Variants in RIMS1 observed in about 807,000 individuals in gnomAD.
RIMS1 encodes regulating synaptic membrane exocytosis 1.
Under a neutral mutation model 214.1 loss-of-function variants are expected in RIMS1, and 83 were observed. The ratio of observed to expected loss-of-function variants is 0.39; its 90% CI spans 0.32 to 0.47. RIMS1 has a LOEUF of 0.47. Among genes scored for constraint, RIMS1 ranks in the 20% least tolerant of loss-of-function variants. The pLI is 0.99. For missense variants in RIMS1, 2,050 were observed against 2,161.8 expected, an observed-to-expected ratio of 0.95 and a Z score of 1.03; for synonymous variants, 793 against 786.8, an observed-to-expected ratio of 1.01 and a Z score of -0.13.
chr6:72,257,473 C>T (rs888549423), intron 16 of RIMS1, among the ~76,000 whole-genome samples: 14 of 151,930 alleles, frequency 9.2e-5, no homozygotes, highest in African/African-American at 2.7e-4. Context: ...GCAGATTTGG[C>T]GATTGGTTCT....
At chr6:72,373,081 G>A (rs2098269012) in intron 29 of RIMS1, among the ~76,000 whole-genome samples, 1 of 152,160 alleles carries the variant, frequency 6.6e-6, no homozygotes, top group South Asian at 2.1e-4. Flanking sequence ...AGTAACCACA[G>A]GCTAAGGGTT....
chr6:72,002,798 T>C (rs543946605), intron 2 of RIMS1, among the ~76,000 whole-genome samples: 141 of 152,034 alleles, frequency 9.3e-4, no homozygotes, highest in Middle Eastern at 3.4e-3. Context: ...AGGAAAAAAA[T>C]AGAACTCACC....
intron 1 of RIMS1, among the ~76,000 whole-genome samples, chr6:71,926,418 T>G (rs1199051870): frequency 1.3e-5 from 2 of 152,190 alleles, no homozygotes; most frequent in African/African-American, 2.4e-5. Flanking sequence ...CCATCTCAGG[T>G]CACATTAATA....
intron 2 of RIMS1, among the ~76,000 whole-genome samples, chr6:72,017,384 A>G (rs1813114104): frequency 2.6e-5 from 4 of 152,190 alleles, no homozygotes; most frequent in Admixed American, 6.6e-5. Context: ...TTGCTTCTTG[A>G]GATGGTATAC....
intron 29 of RIMS1, among the ~76,000 whole-genome samples, chr6:72,340,715 A>G (rs12212741): frequency 0.46 from 69,367 of 151,416 alleles, 16,307 homozygotes; most frequent in Middle Eastern, 0.51. Flanking sequence ...GTCAGGTAGC[A>G]TGATGCCTCC....
In RIMS1 at chr6:72,162,379, C is replaced by T. The variant is rs1360462961; in HGVS notation, c.472-17196C>T. On this transcript the variant is annotated intron_variant, in intron 4 of 33. Transcript: ENST00000521978. ...GTGTCTTTTAATTGGAGCATTTAGC[C>T]CATTGACATTTAAGGTTAATATTGT... Among the ~76,000 whole-genome samples the T allele has an allele frequency of 3.6e-5, 5 of 140,732 alleles. No individual in the cohort carries two copies. The South Asian group carries it at 9.4e-4, about 27-fold the overall frequency. The allele number at this position is 140,732 out of a possible 152,430, so 92.3% of individuals were successfully genotyped here. A position where few individuals can be genotyped will look rare whatever the true frequency, so the allele number is the denominator to read the frequency against.
intron 2 of RIMS1, among the ~76,000 whole-genome samples, chr6:71,970,301 G>T (rs1795539875): frequency 6.6e-6 from 1 of 152,078 alleles, no homozygotes; most frequent in Admixed American, 6.5e-5. Flanking sequence ...TGTATGTAAA[G>T]CCATTTTTGT....
At chr6:72,263,425 G>A (rs2078950282) in intron 19 of RIMS1, 1 of 976,670 alleles carries the variant, frequency 1.0e-6, no homozygotes, top group African/African-American at 1.8e-5. Context: ...GTAGAAACAG[G>A]CTTGGAGACT....
chr6:71,960,892 T>G (rs1451050774), intron 1 of RIMS1, among the ~76,000 whole-genome samples: 1 of 151,484 alleles, frequency 6.6e-6, no homozygotes, highest in Non-Finnish European at 1.5e-5. Context: ...CAAGAAGAAG[T>G]GAAAAAAAAA....
intron 2 of RIMS1, among the ~76,000 whole-genome samples, chr6:71,984,309 G>C (rs930678045): frequency 6.6e-6 from 1 of 151,940 alleles, no homozygotes. Flanking sequence ...GACATGCCTA[G>C]AGGGACTCAA....
intron 4 of RIMS1, among the ~76,000 whole-genome samples, chr6:72,109,250 G>C (rs577562415): frequency 3.4e-4 from 51 of 152,132 alleles, no homozygotes; most frequent in African/African-American, 1.2e-3. Flanking sequence ...GGTATTTCTA[G>C]TTCTAGATCC....
intron 28 of RIMS1, among the ~76,000 whole-genome samples, chr6:72,323,566 TGGA>T (rs1463576982): frequency 6.6e-6 from 1 of 151,670 alleles, no homozygotes; most frequent in African/African-American, 2.4e-5. Context: ...AGACAGAAAT[TGGA>T]GGAGAATATA....
chr6:72,006,370 G>T (rs1345323437), intron 2 of RIMS1, among the ~76,000 whole-genome samples: 1 of 152,180 alleles, frequency 6.6e-6, no homozygotes, highest in Non-Finnish European at 1.5e-5. Flanking sequence ...TGGCCAAATA[G>T]GAACAGCTCC....
intron 2 of RIMS1, among the ~76,000 whole-genome samples, chr6:72,049,944 T>G (rs969093435): frequency 2.0e-5 from 3 of 152,186 alleles, no homozygotes; most frequent in Non-Finnish European, 4.4e-5. Flanking sequence ...GAAGAAGCCA[T>G]GATGAAGGCA....
At chr6:72,220,374 A>G (rs2057984693) in intron 6 of RIMS1, among the ~76,000 whole-genome samples, 1 of 152,106 alleles carries the variant, frequency 6.6e-6, no homozygotes, top group Non-Finnish European at 1.5e-5. Context: ...TTTACTTGCA[A>G]TTTAAAAGAG....
intron 4 of RIMS1, among the ~76,000 whole-genome samples, chr6:72,104,925 T>G (rs2034425618): frequency 6.6e-6 from 1 of 152,070 alleles, no homozygotes; most frequent in Non-Finnish European, 1.5e-5. Context: ...ATCCATTCAC[T>G]TATTTATTTA....
chr6:71,955,627 A>G (rs1248267788), intron 1 of RIMS1, among the ~76,000 whole-genome samples: 1 of 152,170 alleles, frequency 6.6e-6, no homozygotes, highest in Admixed American at 6.6e-5. Flanking sequence ...GTGTACATAT[A>G]TGTAATGTAT....
At chr6:72,137,867 A>G (rs566887158) in intron 4 of RIMS1, among the ~76,000 whole-genome samples, 58 of 151,618 alleles carry the variant, frequency 3.8e-4, no homozygotes, top group Admixed American at 1.2e-3. Flanking sequence ...CTCCCGAGTA[A>G]CTGGGACTAC....
At chr6:72,180,391 A>G (rs2048250888) in intron 5 of RIMS1, among the ~76,000 whole-genome samples, 1 of 152,228 alleles carries the variant, frequency 6.6e-6, no homozygotes, top group South Asian at 2.1e-4. Flanking sequence ...TGCTCCAGGT[A>G]TCTGCACAGG....
Sources: gnomAD v4.1 joint callset for allele counts (sites outside exome capture counted in the v4.1 genomes callset) on GRCh38, gnomAD v4.1.1 for gene constraint, MANE v1.5 for transcripts, NCBI Gene and HGNC (gene_info 2026-07-23, HGNC 2026-07-21) for gene names.